The following CTPS1 variants were observed in gnomAD, a reference collection of about 807,000 sequenced individuals.
CTPS1 encodes CTP synthase 1.
Under a neutral mutation model 80.5 loss-of-function variants are expected in CTPS1, and 25 were observed. The ratio of observed to expected loss-of-function variants is 0.31; its 90% CI spans 0.23 to 0.43. CTPS1 has a LOEUF of 0.43. Among genes scored for constraint, CTPS1 ranks in the 20% least tolerant of loss-of-function variants. The pLI is 1.00. For synonymous variants in CTPS1, 267 were observed against 252.5 expected, an observed-to-expected ratio of 1.06 and a Z score of -0.54; for missense variants, 442 against 725.7, an observed-to-expected ratio of 0.61 and a Z score of 4.49.
chr1:40,985,431 C>T (rs985354246), intron 3 of CTPS1, among the ~76,000 whole-genome samples: 5 of 152,220 alleles, frequency 3.3e-5, no homozygotes, highest in Admixed American at 6.5e-5. Context: ...TCATCAGTGC[C>T]ATATGGCCTA....
At position 40,991,787 on chromosome 1, in the gene CTPS1, C is replaced by T; in HGVS notation, c.662C>T (p.Pro221Leu). Residue 221 changes from proline (P) to leucine (L), a missense_variant, in exon 7 of 19, where the codon CCA (proline) becomes CTA (leucine). Pro to Leu is a moderately conservative substitution (Grantham distance 98). Coordinates refer to ENST00000650070, the MANE Select transcript of CTPS1 (RefSeq NM_001905.4). ...TAGGTTGTATGCAGGTGCTCAAATC[C>T]ACTTGACACATCAGTGAAGGAGAAA... Reference protein sequence around the residue: ...PDLVVCRCSNPLDTSVKEKIS... With the variant: ...PDLVVCRCSNLLDTSVKEKIS... 1.9e-6 allele frequency: 3 copies of T among 1,613,968 alleles called. No homozygotes were observed. The highest frequency in any genetic ancestry group is 2.5e-6 in the Non-Finnish European group (3 of 1,179,864).
At position 41,007,172 on chromosome 1, in the gene CTPS1, C is replaced by G. The variant is rs562898726; in HGVS notation, c.1297-277C>G. ...TATCAGTCTTTCTAAGGAAGTGATG[C>G]TTACCGTCCACAGTGCTGGGGCGGG... is the stretch of plus-strand genomic sequence containing the variant. On this transcript the variant is annotated intron_variant, in intron 13 of 18. Transcript: ENST00000650070. The surrounding 1 kb of genome is among the most constrained non-coding windows in gnomAD (Gnocchi z 4.4). Among the ~76,000 whole-genome samples the G allele has an allele frequency of 2.0e-5, 3 of 152,310 alleles. No homozygotes were observed. The highest frequency in any genetic ancestry group is 1.3e-4 in the Admixed American group (2 of 15,298).
rs1187969514 is a variant in CTPS1, at chr1:40,979,739, G to A, written c.-104G>A. ...CTCCGTGAAAGACTGCCGGGCGCATGCGGTCGGGGTTGTTCACTGGCTGTC... is the reference window on the plus strand; with the variant it reads ...CTCCGTGAAAGACTGCCGGGCGCATACGGTCGGGGTTGTTCACTGGCTGTC... On this transcript the variant is annotated 5_prime_UTR_variant, in exon 1 of 19. An upstream start codon of the reference 5' UTR is lost. Transcript: ENST00000650070. 1.3e-5 allele frequency: 2 copies of A among 152,274 alleles called. No homozygotes were observed. Among genetic ancestry groups the A allele is most frequent in the East Asian group, 1.9e-4 (1 of 5,166 alleles). The allele number at this position is 152,274 out of a possible 1,614,324, so 9.4% of individuals were successfully genotyped here.
chr1:40,991,313 G>A, intron 6 of CTPS1, 65 bp downstream of exon 6: 1 of 1,229,798 alleles, frequency 8.1e-7, no homozygotes, highest in South Asian at 1.4e-5. Context: ...ACTCTATCAT[G>A]ACAGACAAGA....
intron 7 of CTPS1, among the ~76,000 whole-genome samples, chr1:40,992,997 T>A (rs969044863): frequency 2.0e-5 from 3 of 151,062 alleles, no homozygotes; most frequent in Admixed American, 6.6e-5. Flanking sequence ...GCCTTAAAAA[T>A]ATTCACTATT....
chr1:40,981,694 G>C (rs16827810), intron 1 of CTPS1, among the ~76,000 whole-genome samples: 1 of 152,130 alleles, frequency 6.6e-6, no homozygotes, highest in East Asian at 1.9e-4. Context: ...TTTAATCAGC[G>C]TTTCTCTGAT....
rs749752602 is a variant in CTPS1, at chr1:40,983,696, C to T, written c.166+240C>T. ...GGAGTGTAGTGGTGTGATCATGGCT[C>T]GCTGCAGCTTCCACCTCCTTGGCTC... On this transcript the variant is annotated intron_variant, in intron 2 of 18. Transcript: ENST00000650070. Among the ~76,000 whole-genome samples, 18 of 150,634 alleles carry T rather than the reference C, an allele frequency of 1.2e-4. 1 individual carries two copies. Among genetic ancestry groups the T allele is most frequent in the Middle Eastern group, 3.5e-3 (1 of 286 alleles).
chr1:41,003,951 C>G (rs1642969529), intron 12 of CTPS1: 1 of 152,288 alleles, frequency 6.6e-6, no homozygotes, highest in Non-Finnish European at 1.5e-5. Context: ...GCTCATCATT[C>G]ATTAATCCAG....
At chr1:41,009,994 A>G (rs1461979911) in intron 17 of CTPS1, among the ~76,000 whole-genome samples, 167 bp from the exon 18 acceptor site, 1 of 152,244 alleles carries the variant, frequency 6.6e-6, no homozygotes, top group Non-Finnish European at 1.5e-5. Context: ...TAGCTAGAAG[A>G]AGGAAATCTT....
In CTPS1 at chr1:40,988,480, G is replaced by A. The variant is rs1287853926; in HGVS notation, c.439-114G>A. ...AACTAACATTATACAGGGTTAGAGA[G>A]TCCGTGTTACATAATTACTGATACT... On this transcript the variant is annotated intron_variant, in intron 4 of 18. Coordinates refer to ENST00000650070, the MANE Select transcript of CTPS1 (RefSeq NM_001905.4). 29 of 717,942 alleles carry A rather than the reference G, an allele frequency of 4.0e-5. 1 individual carries two copies. The South Asian group carries it at 4.1e-4, about 10-fold the overall frequency. 44.5% of individuals were successfully genotyped at this position (717,942 alleles called of 1,614,324 possible). A position where few individuals can be genotyped will look rare whatever the true frequency, so the allele number is the denominator to read the frequency against.
chr1:41,003,092 G>T, intron 11 of CTPS1, 22 bp from the exon 12 acceptor site: 3 of 1,614,000 alleles, frequency 1.9e-6, no homozygotes, highest in Non-Finnish European at 1.7e-6. Context: ...AGTTTTGTTT[G>T]TTTTTTCCCC....
Position 40,987,414 on chromosome 1 carries a change from G to C in CTPS1, c.380G>C (p.Arg127Thr). The C allele has an allele frequency of 1.2e-6, 2 of 1,614,146 alleles. No homozygotes were observed. Among genetic ancestry groups the C allele is most frequent in the Non-Finnish European group, 1.7e-6 (2 of 1,180,002 alleles). ...ITDAIQEWVMRQALIPVDEDG... is the reference protein window; with the variant it reads ...ITDAIQEWVMTQALIPVDEDG... Reference sequence around the variant, plus strand: ...GATGCAATCCAGGAGTGGGTGATGAGACAGGCGTTAATACCTGTAGATGAA... The same window carrying C: ...GATGCAATCCAGGAGTGGGTGATGACACAGGCGTTAATACCTGTAGATGAA... Residue 127 changes from arginine to threonine, a missense_variant, in exon 4 of 19, where the codon AGA becomes ACA. Coordinates refer to ENST00000650070, the MANE Select transcript of CTPS1 (RefSeq NM_001905.4).
In CTPS1 at chr1:41,009,644, G is replaced by T; in HGVS notation, c.1691+55G>T. Reference sequence around the variant, plus strand: ...TTAGTCTTCTCTAGTCCTTTAGGTGGTCGCTGATTCATTACAGCAACACGT... The same window carrying T: ...TTAGTCTTCTCTAGTCCTTTAGGTGTTCGCTGATTCATTACAGCAACACGT... On this transcript the variant is annotated intron_variant, in intron 17 of 18. Transcript: ENST00000650070. 9 of 1,597,748 alleles carry T rather than the reference G, an allele frequency of 5.6e-6. No homozygotes were observed. The South Asian group carries it at 8.9e-5, about 16-fold the overall frequency.
In CTPS1 at chr1:40,998,426, G is replaced by GTCACCAGCCTGGGT. The variant is rs1476764925; in HGVS notation, c.1005+900_1005+901insTCACCAGCCTGGGT. 2.1e-3 allele frequency among the ~76,000 whole-genome samples: 303 copies of GTCACCAGCCTGGGT among 147,744 alleles called. 7 individuals carry two copies. The highest frequency in any genetic ancestry group is 7.4e-3 in the African/African-American group (291 of 39,500). On this transcript the variant is annotated intron_variant, in intron 9 of 18. Coordinates refer to ENST00000650070, the MANE Select transcript of CTPS1 (RefSeq NM_001905.4). ...AAAAAAAAAAAAAAAAAAAAAACAT[G>GTCACCAGCCTGGGT]GATGCCTGAGCCCGGTGACCAGGGC...
rs1643187234 is a variant in CTPS1 at position 41,012,089 on chromosome 1, A to T, written c.*441A>T. 1 of 152,166 alleles carries T rather than the reference A, an allele frequency of 6.6e-6. No homozygotes were observed. Among genetic ancestry groups the T allele is most frequent in the African/African-American group, 2.4e-5 (1 of 41,428 alleles). The allele number at this position is 152,166 out of a possible 1,614,324, so 9.4% of individuals were successfully genotyped here. On this transcript the variant is annotated 3_prime_UTR_variant, in exon 19 of 19. Coordinates refer to ENST00000650070, the MANE Select transcript of CTPS1 (RefSeq NM_001905.4). ...AGGATTTGAACACTTGGTGCTGGGAACCTCAGGGTATTGCTTGCCACTAAG... is the reference window on the plus strand; with the variant it reads ...AGGATTTGAACACTTGGTGCTGGGATCCTCAGGGTATTGCTTGCCACTAAG...
chr1:40,990,077 C>T (rs1353827073), intron 5 of CTPS1, among the ~76,000 whole-genome samples: 1 of 152,126 alleles, frequency 6.6e-6, no homozygotes, highest in South Asian at 2.1e-4. Flanking sequence ...GAACCTACCC[C>T]CCCGTATTTG....
intron 11 of CTPS1, 43 bp downstream of exon 11, chr1:41,002,297 G>C (rs1261233701): frequency 1.9e-6 from 3 of 1,545,438 alleles, no homozygotes; most frequent in Non-Finnish European, 2.7e-6. Context: ...GAGTAGGAAA[G>C]AGTGGGGAAC....
chr1:40,982,261 G>C (rs1479652759), intron 1 of CTPS1, among the ~76,000 whole-genome samples: 3 of 152,052 alleles, frequency 2.0e-5, no homozygotes, highest in Non-Finnish European at 4.4e-5. Flanking sequence ...TGAGTCCTCT[G>C]CCCGTCATGT....
chr1:40,990,604 A>G (rs1642579378), intron 5 of CTPS1, among the ~76,000 whole-genome samples: 1 of 151,928 alleles, frequency 6.6e-6, no homozygotes, highest in Admixed American at 6.6e-5. Flanking sequence ...GGGCAATGTG[A>G]CAAGAGCCTG....
Sources: gnomAD v4.1 joint callset for allele counts (sites outside exome capture counted in the v4.1 genomes callset) on GRCh38, gnomAD v4.1.1 for gene constraint, Gnocchi (gnomAD v3.1) non-coding constraint, MANE v1.5 for transcripts, NCBI Gene and HGNC (gene_info 2026-07-23, HGNC 2026-07-21) for gene names.